The following PCTP variants were observed in gnomAD, a reference collection of about 807,000 sequenced individuals.
The protein encoded by PCTP is phosphatidylcholine transfer protein.
A neutral mutation model predicts 31.0 loss-of-function variants in PCTP; 27 were observed. That is an observed-to-expected ratio of 0.87 (90% CI 0.64 to 1.20). The LOEUF (loss-of-function observed/expected upper bound fraction) is 1.20, where lower values mean the gene tolerates loss of function less well. Ranked by LOEUF, PCTP falls within the 50% of genes most tolerant of loss-of-function variation. PCTP has a pLI of 0.00. For missense variants in PCTP, 287 were observed against 268.2 expected (o/e 1.07, Z -0.49); for synonymous variants, 108 against 101.2 (o/e 1.07, Z -0.40).
At chr17:55,839,945 A>AAAAAAAC (rs1555572114) in intron 5 of PCTP, among the ~76,000 whole-genome samples, 2 of 143,902 alleles carry the variant, frequency 1.4e-5, no homozygotes, top group African/African-American at 2.5e-5. Context: ...AAAAAAAAAA[A>AAAAAAAC]AACAACTGAA....
At chr17:55,787,776 A>G (rs921595411) in intron 3 of PCTP, 1 of 152,228 alleles carries the variant, frequency 6.6e-6, no homozygotes, top group Non-Finnish European at 1.5e-5. Flanking sequence ...ATTTAAAGAT[A>G]ATTACCACAT....
At chr17:55,852,385 C>T in the PCTP span, among the ~76,000 whole-genome samples, 1 of 152,150 alleles carries the variant, frequency 6.6e-6, no homozygotes, top group Non-Finnish European at 1.5e-5. Flanking sequence ...GAAACACTCC[C>T]ATTGATATTT....
At chr17:55,771,611 C>T (rs1911010302) in intron 3 of PCTP, among the ~76,000 whole-genome samples, 1 of 152,208 alleles carries the variant, frequency 6.6e-6, no homozygotes, top group Admixed American at 6.5e-5. Context: ...TGCTGGAACT[C>T]AGGCCTCTGC....
intron 1 of PCTP, among the ~76,000 whole-genome samples, chr17:55,765,019 C>A (rs1422318749): frequency 6.6e-6 from 1 of 152,128 alleles, no homozygotes; most frequent in African/African-American, 2.4e-5. Context: ...CCCTCATGGA[C>A]AAGAATATGG....
chr17:55,803,338 C>A (rs1018553012), intron 3 of PCTP, among the ~76,000 whole-genome samples: 1 of 151,952 alleles, frequency 6.6e-6, no homozygotes, highest in Non-Finnish European at 1.5e-5. Context: ...TTGACTTTCT[C>A]TACAAAATTA....
At chr17:55,757,447 G>GACACACAC (rs72053094) in intron 1 of PCTP, among the ~76,000 whole-genome samples, 1 of 144,928 alleles carries the variant, frequency 6.9e-6, no homozygotes, top group African/African-American at 2.6e-5. Context: ...AGGAAACTGA[G>GACACACAC]ACACACACAC....
chr17:55,830,138 T>C (rs1905547102), intron 5 of PCTP, among the ~76,000 whole-genome samples: 1 of 152,140 alleles, frequency 6.6e-6, no homozygotes, highest in South Asian at 2.1e-4. Flanking sequence ...AATGTCTGGG[T>C]TCCATCCCCA....
chr17:55,760,801 C>G (rs1429774231), intron 1 of PCTP, among the ~76,000 whole-genome samples: 1 of 152,092 alleles, frequency 6.6e-6, no homozygotes, highest in African/African-American at 2.4e-5. Context: ...GTGGGAGGTC[C>G]GTTCTGGGTG....
intron 3 of PCTP, among the ~76,000 whole-genome samples, chr17:55,802,073 G>A (rs1318146530): frequency 6.6e-6 from 1 of 152,172 alleles, no homozygotes. Flanking sequence ...TACCATTACA[G>A]AATACTATAA....
At chr17:55,851,641 A>G in the PCTP span, among the ~76,000 whole-genome samples, 1 of 152,244 alleles carries the variant, frequency 6.6e-6, no homozygotes. Context: ...GGGAAACTCT[A>G]TACATCCTTG....
intron 3 of PCTP, among the ~76,000 whole-genome samples, chr17:55,817,310 A>G (rs1912953423): frequency 6.6e-6 from 1 of 152,232 alleles, no homozygotes; most frequent in African/African-American, 2.4e-5. Context: ...AGGAGAAGGC[A>G]AAAAGTAGCT....
rs758137421 is a variant in PCTP, at chr17:55,771,136, CTG to C, written c.293_294del (p.Val98GlyfsTer66). 4 of 1,613,442 alleles carry C rather than the reference CTG, an allele frequency of 2.5e-6. No individual in the cohort carries two copies. In the African/African-American group the frequency reaches 5.3e-5, roughly 22 times the overall value. ...TATGAACAAGAATGCAACGGAGAGA[CTG>C]TGGTCTACTGGGAAGTGAAGTACCC... On this transcript the variant is annotated frameshift_variant, in exon 3 of 6. Coordinates refer to ENST00000268896, the MANE Select transcript of PCTP (RefSeq NM_021213.4). LOFTEE classifies it high-confidence loss of function.
intron 5 of PCTP, among the ~76,000 whole-genome samples, chr17:55,837,828 C>T (rs143773766): frequency 5.1e-4 from 78 of 152,268 alleles, no homozygotes; most frequent in Admixed American, 4.0e-3. Context: ...CTGATCTTTG[C>T]ACCAGAGTGT....
rs1487246249 is a variant in PCTP, at chr17:55,776,312, C to G, written c.*212C>G. The G allele has an allele frequency of 1.5e-6, 2 of 1,361,774 alleles. No homozygotes were observed. Among genetic ancestry groups the G allele is most frequent in the African/African-American group, 2.9e-5 (2 of 67,840 alleles). The allele number at this position is 1,361,774 out of a possible 1,614,324, so 84.4% of individuals were successfully genotyped here. A position where few individuals can be genotyped will look rare whatever the true frequency, so the allele number is the denominator to read the frequency against. ...ATGTTTGCCTGACATCCAGCTCACT[C>G]GTCTGCTTCCTTTCTCGCTCCCCCC... is the stretch of plus-strand genomic sequence containing the variant. On this transcript the variant is annotated 3_prime_UTR_variant, in exon 6 of 6. Coordinates refer to ENST00000268896, the MANE Select transcript of PCTP (RefSeq NM_021213.4).
chr17:55,811,890 C>T (rs1912764516), intron 3 of PCTP, among the ~76,000 whole-genome samples: 1 of 152,180 alleles, frequency 6.6e-6, no homozygotes, highest in Non-Finnish European at 1.5e-5. Flanking sequence ...TTAGTTGAAA[C>T]CCAAGTTAAA....
Position 55,770,895 on chromosome 17 carries a change from C to CAT in PCTP, c.260-211_260-210insAT, listed in dbSNP as rs1910953641. 4 of 307,464 alleles carry CAT rather than the reference C, an allele frequency of 1.3e-5. No individual in the cohort carries two copies. The East Asian group carries it at 2.4e-4, about 19-fold the overall frequency. 19.0% of individuals were successfully genotyped at this position (307,464 alleles called of 1,614,324 possible). A position where few individuals can be genotyped will look rare whatever the true frequency, so the allele number is the denominator to read the frequency against. ...CCACCATACCTGGCTGATTTTTTTG[C>CAT]TTTTTTTTTTTTTTATATATAGAGA... On this transcript the variant is annotated intron_variant, in intron 2 of 5. Transcript: ENST00000268896.
intron 3 of PCTP, among the ~76,000 whole-genome samples, chr17:55,814,603 G>A (rs755870835): frequency 6.6e-6 from 1 of 152,182 alleles, no homozygotes; most frequent in Non-Finnish European, 1.5e-5. Context: ...GCATCATTGC[G>A]TTTGCCTGGA....
intron 2 of PCTP, among the ~76,000 whole-genome samples, chr17:55,768,118 T>C (rs183496647): frequency 4.9e-4 from 74 of 152,258 alleles, no homozygotes; most frequent in Middle Eastern, 3.4e-3. Context: ...TATTTTTATT[T>C]ATTCTTGCCA....
chr17:55,806,367 C>A (rs894779460), intron 3 of PCTP, among the ~76,000 whole-genome samples: 1 of 152,086 alleles, frequency 6.6e-6, no homozygotes, highest in Admixed American at 6.6e-5. Flanking sequence ...AGTACCATTA[C>A]GTTGGTGGCT....
Sources: gnomAD v4.1 joint callset for allele counts (sites outside exome capture counted in the v4.1 genomes callset) on GRCh38, gnomAD v4.1.1 for gene constraint, MANE v1.5 for transcripts, NCBI Gene and HGNC (gene_info 2026-07-23, HGNC 2026-07-21) for gene names.